Variants in MTARC1 observed in about 807,000 individuals in gnomAD.
MTARC1 encodes mitochondrial amidoxime-reducing component 1.
Under a neutral mutation model 33.6 loss-of-function variants are expected in MTARC1, and 24 were observed. The observed-to-expected ratio is 0.72, with a 90% CI of 0.52 to 1.01. MTARC1 has a LOEUF of 1.01. MTARC1 is among the 50% of genes least tolerant of loss of function. The pLI, the probability that MTARC1 is intolerant of heterozygous loss-of-function variation, is 0.00. For missense variants in MTARC1, 417 were observed against 445.7 expected, an observed-to-expected ratio of 0.94 and a Z score of 0.58; for synonymous variants, 187 against 189.5, an observed-to-expected ratio of 0.99 and a Z score of 0.11.
rs1673344060 is a variant in MTARC1 at position 220,819,491 on chromosome 1, A to C, written c.*6073A>C. ...AACATGTTCCCCCCTCTGATTTTGC[A>C]TTGGACAGATATAAATGTCTTGGGG... On this transcript the variant is annotated 3_prime_UTR_variant, in exon 7 of 7. Transcript: ENST00000366910. 6.6e-6 allele frequency: 1 copy of C among 152,196 alleles called. No individual in the cohort carries two copies. The highest frequency in any genetic ancestry group is 2.4e-5 in the African/African-American group (1 of 41,458). 9.4% of individuals were successfully genotyped at this position (152,196 alleles called of 1,614,324 possible). A position where few individuals can be genotyped will look rare whatever the true frequency, so the allele number is the denominator to read the frequency against.
chr1:220,808,212 G>A (rs1673028109), intron 6 of MTARC1, among the ~76,000 whole-genome samples: 1 of 152,108 alleles, frequency 6.6e-6, no homozygotes, highest in African/African-American at 2.4e-5. Flanking sequence ...CATCTTCAGT[G>A]CCCCCCTTCC....
intron 4 of MTARC1, among the ~76,000 whole-genome samples, chr1:220,803,283 A>G (rs1160118561): frequency 6.6e-6 from 1 of 152,192 alleles, no homozygotes; most frequent in Non-Finnish European, 1.5e-5. Context: ...TCACAAAAAA[A>G]GCATGGGAAA....
intron 4 of MTARC1, 175 bp downstream of exon 4, chr1:220,798,189 G>A (rs1672682390): frequency 6.5e-7 from 1 of 1,545,796 alleles, no homozygotes; most frequent in African/African-American, 1.4e-5. Context: ...CTTCTGTGTG[G>A]AGGATACAAA....
At chr1:220,791,753 C>A in intron 2 of MTARC1, 89 bp downstream of exon 2, 1 of 1,414,780 alleles carries the variant, frequency 7.1e-7, no homozygotes, top group Non-Finnish European at 9.7e-7. Context: ...TGCTGAGAAA[C>A]ATATCAATAA....
chr1:220,787,292 G>T (rs1672266339), intron 1 of MTARC1, 73 bp downstream of exon 1: 1 of 1,460,310 alleles, frequency 6.8e-7, no homozygotes, highest in African/African-American at 1.5e-5. Context: ...AGGAGCGCAG[G>T]GGAGGTCTGC....
intron 2 of MTARC1, among the ~76,000 whole-genome samples, chr1:220,794,842 T>C (rs12029901): frequency 0.02 from 3,116 of 152,262 alleles, 54 homozygotes; most frequent in East Asian, 0.06. Context: ...TGACAGTGTG[T>C]GAAAAGGTAT....
rs58774365 is a variant in MTARC1 at position 220,792,023 on chromosome 1, T to G, written c.449+359T>G. Among the ~76,000 whole-genome samples the G allele has an allele frequency of 9.2e-3, 1,398 of 152,334 alleles. 10 individuals are homozygous for G. Among genetic ancestry groups the G allele is most frequent in the East Asian group, 0.059 (307 of 5,174 alleles). On this transcript the variant is annotated intron_variant, in intron 2 of 6. Transcript: ENST00000366910. Reference sequence around the variant, plus strand: ...GTCCTAGCAGAGGTGAAACTCGATCTACGTATTCTCATAGAACTTTTTCTT... The same window carrying G: ...GTCCTAGCAGAGGTGAAACTCGATCGACGTATTCTCATAGAACTTTTTCTT...
chr1:220,806,890 G>A (rs72472347), intron 6 of MTARC1, among the ~76,000 whole-genome samples: 10 of 152,184 alleles, frequency 6.6e-5, no homozygotes, highest in South Asian at 2.1e-4. Flanking sequence ...AGGGAATTAC[G>A]GAGAAGGGGG....
At position 220,818,566 on chromosome 1, in the gene MTARC1, C is replaced by T. The variant is rs1161223363; in HGVS notation, c.*5148C>T. 1 of 152,208 alleles carries T rather than the reference C, an allele frequency of 6.6e-6. No homozygotes were observed. Among genetic ancestry groups the T allele is most frequent in the African/African-American group, 2.4e-5 (1 of 41,432 alleles). The allele number at this position is 152,208 out of a possible 1,614,324, so 9.4% of individuals were successfully genotyped here. ...TCTTCCTCTTACCTTCCTTGTGAAA[C>T]CCACAACCCCTAGTCCCTCCCCTTC... On this transcript the variant is annotated 3_prime_UTR_variant, in exon 7 of 7. Transcript: ENST00000366910.
chr1:220,805,026 A>C (rs528105842), intron 4 of MTARC1, 26 bp from the exon 5 acceptor site: 21 of 1,612,522 alleles, frequency 1.3e-5, no homozygotes, highest in Non-Finnish European at 1.8e-5. Context: ...AGAGATGCTC[A>C]TGGGAATTTG....
chr1:220,794,054 A>C (rs1013051340), intron 2 of MTARC1: 1 of 152,206 alleles, frequency 6.6e-6, no homozygotes, highest in African/African-American at 2.4e-5. Flanking sequence ...AAATGGCCCA[A>C]GATAGATGCA....
intron 2 of MTARC1, among the ~76,000 whole-genome samples, chr1:220,796,107 T>C (rs887882411): frequency 9.2e-5 from 14 of 152,046 alleles, no homozygotes; most frequent in African/African-American, 3.4e-4. Context: ...TAGATTATTA[T>C]TGTTATTATT....
chr1:220,794,120 G>A (rs921347586), intron 2 of MTARC1: 1 of 152,174 alleles, frequency 6.6e-6, no homozygotes, highest in African/African-American at 2.4e-5. Flanking sequence ...AGGAGTCAAA[G>A]CAGCCTTCCT....
intron 4 of MTARC1, among the ~76,000 whole-genome samples, chr1:220,800,455 C>A (rs371536246): frequency 6.6e-6 from 1 of 152,252 alleles, no homozygotes; most frequent in South Asian, 2.1e-4. Flanking sequence ...AGGAGGGTGG[C>A]GAGCAGCCAG....
chr1:220,798,232 C>T, intron 4 of MTARC1: 1 of 1,476,278 alleles, frequency 6.8e-7, no homozygotes, highest in East Asian at 2.8e-5. Context: ...ATCAAGGAGG[C>T]AGTTCAGTAT....
chr1:220,814,918 C>T lies in MTARC1; in HGVS notation c.*1500C>T, dbSNP rs7549963. ...TCAACATGCTTTTTACCAAAAGCTG[C>T]ACATTTTTCACTTTGATTTTATAAA... On this transcript the variant is annotated 3_prime_UTR_variant, in exon 7 of 7. Transcript: ENST00000366910. 20,613 of 152,186 alleles carry T rather than the reference C, an allele frequency of 0.14. 1,562 individuals carry two copies. The highest frequency in any genetic ancestry group is 0.17 in the Non-Finnish European group (11,306 of 67,994). 9.4% of individuals were successfully genotyped at this position (152,186 alleles called of 1,614,324 possible).
intron 1 of MTARC1, 139 bp from the exon 2 acceptor site, chr1:220,791,352 G>GAC: frequency 1.2e-6 from 1 of 867,462 alleles, no homozygotes; most frequent in Non-Finnish European, 1.8e-6. Flanking sequence ...AGGACAGACA[G>GAC]ACACACACAC....
At chr1:220,799,053 T>C (rs1672708015) in intron 4 of MTARC1, 1 of 985,306 alleles carries the variant, frequency 1.0e-6, no homozygotes, top group South Asian at 4.7e-5. Context: ...TTACCTTGCC[T>C]GAACAATGAG....
In MTARC1 at chr1:220,816,123, G is replaced by C. The variant is rs1306183554; in HGVS notation, c.*2705G>C. On this transcript the variant is annotated 3_prime_UTR_variant, in exon 7 of 7. Coordinates refer to ENST00000366910, the MANE Select transcript of MTARC1 (RefSeq NM_022746.4). Reference sequence around the variant, plus strand: ...TCTCCCTTTACTGATAACGGGGCATGGTGAGGAGATGAGCTTGTGAGGGTC... The same window carrying C: ...TCTCCCTTTACTGATAACGGGGCATCGTGAGGAGATGAGCTTGTGAGGGTC... 6.6e-6 allele frequency: 1 copy of C among 152,258 alleles called. No homozygotes were observed. Among genetic ancestry groups the C allele is most frequent in the Non-Finnish European group, 1.5e-5 (1 of 68,070 alleles). 9.4% of individuals were successfully genotyped at this position (152,258 alleles called of 1,614,324 possible). A position where few individuals can be genotyped will look rare whatever the true frequency, so the allele number is the denominator to read the frequency against.
Sources: gnomAD v4.1 joint callset for allele counts (sites outside exome capture counted in the v4.1 genomes callset) on GRCh38, gnomAD v4.1.1 for gene constraint, MANE v1.5 for transcripts, NCBI Gene and HGNC (gene_info 2026-07-23, HGNC 2026-07-21) for gene names.